Variants in EVC2 observed in about 807,000 individuals in gnomAD.
The protein encoded by EVC2 is EvC ciliary complex subunit 2, also known as limbin.
A neutral mutation model predicts 149.3 loss-of-function variants in EVC2; 148 were observed. The ratio of observed to expected loss-of-function variants is 0.99; its 90% CI spans 0.87 to 1.14. EVC2 has a LOEUF of 1.14. Among genes scored for constraint, EVC2 ranks in the 50% most tolerant of loss-of-function variants. The pLI is 0.00. For synonymous variants in EVC2, 776 were observed against 649.9 expected (o/e 1.19, Z -2.95); for missense variants, 1,854 against 1,627.3 (o/e 1.14, Z -2.40).
rs991340849 is a variant in EVC2 at position 5,640,200 on chromosome 4, CAGAT to C, written c.1470+310_1470+313del. Among the ~76,000 whole-genome samples, 98 of 151,696 alleles carry C rather than the reference CAGAT, an allele frequency of 6.5e-4. No homozygotes were observed. The highest frequency in any genetic ancestry group is 2.2e-3 in the African/African-American group (91 of 41,362). On this transcript the variant is annotated intron_variant, in intron 10 of 21. Transcript: ENST00000344408. This position sits in a 1 kb window ranked among gnomAD's most constrained non-coding sequence, Gnocchi z 4.6. ...ATAAATGAGTAGGTGGATGAACAGA[CAGAT>C]GGATGTGTAGATGGACAGATGGGTG...
At chr4:5,597,074 A>G (rs531138958) in intron 16 of EVC2, among the ~76,000 whole-genome samples, 1 of 152,222 alleles carries the variant, frequency 6.6e-6, no homozygotes, top group Non-Finnish European at 1.5e-5. Context: ...GCAATAATCA[A>G]TAGCTTACCA....
At chr4:5,609,963 G>A (rs2108821044) in intron 16 of EVC2, among the ~76,000 whole-genome samples, 1 of 152,280 alleles carries the variant, frequency 6.6e-6, no homozygotes, top group South Asian at 2.1e-4. Context: ...GTTGGGAAGG[G>A]TAAAGCATGT....
downstream of EVC2, among the ~76,000 whole-genome samples, chr4:5,559,649 G>A (rs947021420): frequency 6.6e-6 from 1 of 152,146 alleles, no homozygotes; most frequent in Non-Finnish European, 1.5e-5. This position sits in a 1 kb window ranked among gnomAD's most constrained non-coding sequence, Gnocchi z 5.0. Flanking sequence ...CTGCACTGAC[G>A]GGGTTATGTT....
chr4:5,535,601 AAG>A, the EVC2 span, among the ~76,000 whole-genome samples: 1,523 of 117,546 alleles, frequency 0.013, 11 homozygotes, highest in African/African-American at 0.03. This position sits in a 1 kb window ranked among gnomAD's most constrained non-coding sequence, Gnocchi z 4.7. Flanking sequence ...CATGCTTAGA[AAG>A]AGAGAGAGAG....
Position 5,569,380 on chromosome 4 carries a change from G to A in EVC2, c.3361-740C>T, listed in dbSNP as rs1330056482. Among the ~76,000 whole-genome samples, 2 of 152,206 alleles carry A rather than the reference G, an allele frequency of 1.3e-5. No homozygotes were observed. Among genetic ancestry groups the A allele is most frequent in the Admixed American group, 6.5e-5 (1 of 15,278 alleles). ...GAGAACTATACGTACATTTTATATC[G>A]ATGTCAACTTCCTGGTTCTGATGCT... On this transcript the variant is annotated intron_variant, in intron 19 of 21. Coordinates refer to ENST00000344408, the MANE Select transcript of EVC2 (RefSeq NM_147127.5). The surrounding 1 kb of genome is among the most constrained non-coding windows in gnomAD (Gnocchi z 4.8).
the EVC2 span, among the ~76,000 whole-genome samples, chr4:5,536,712 A>T: frequency 1.3e-5 from 2 of 151,754 alleles, no homozygotes; most frequent in African/African-American, 4.9e-5. Flanking sequence ...TGAACCCAGG[A>T]GGTGGAGCTT....
Position 5,572,357 on chromosome 4 carries a change from G to C in EVC2, c.3360+2328C>G, listed in dbSNP as rs191110680. Among the ~76,000 whole-genome samples, 1,397 of 152,254 alleles carry C rather than the reference G, an allele frequency of 9.2e-3. 27 individuals carry two copies. Among genetic ancestry groups the C allele is most frequent in the African/African-American group, 0.03 (1,243 of 41,514 alleles). On this transcript the variant is annotated intron_variant, in intron 19 of 21. Coordinates refer to ENST00000344408, the MANE Select transcript of EVC2 (RefSeq NM_147127.5). The stretch of plus-strand genomic sequence containing the variant: ...ACTTAACCACAAATGCCACTATTAG[G>C]AAGGGGGGCCTGCTGAAGGTGATGA...
intron 1 of EVC2, among the ~76,000 whole-genome samples, chr4:5,707,869 C>G (rs1178639343): frequency 6.6e-6 from 1 of 152,062 alleles, no homozygotes; most frequent in African/African-American, 2.4e-5. Flanking sequence ...TTTTAAAAAC[C>G]GCTGCAATTT....
intron 9 of EVC2, among the ~76,000 whole-genome samples, chr4:5,654,522 CT>C (rs1333684743): frequency 6.6e-6 from 1 of 152,236 alleles, no homozygotes; most frequent in Non-Finnish European, 1.5e-5. Context: ...CCTGCCCTTT[CT>C]TTGCATTTCC....
intron 4 of EVC2, among the ~76,000 whole-genome samples, chr4:5,690,553 G>C (rs1170120753): frequency 1.3e-5 from 2 of 152,090 alleles, no homozygotes; most frequent in Admixed American, 6.6e-5. Context: ...AGTCTCATGG[G>C]TGCTCCATGC....
At chr4:5,687,271 A>G (rs1720786450) in intron 5 of EVC2, among the ~76,000 whole-genome samples, 1 of 152,136 alleles carries the variant, frequency 6.6e-6, no homozygotes, top group South Asian at 2.1e-4. Context: ...AAAAAAGAAA[A>G]GAAAAGAAAA....
At chr4:5,547,841 A>G (rs1721651152) in intron 21 of EVC2, among the ~76,000 whole-genome samples, 1 of 152,156 alleles carries the variant, frequency 6.6e-6, no homozygotes. Flanking sequence ...AGAAGAGAAG[A>G]GCTTCAGCCC....
intron 8 of EVC2, among the ~76,000 whole-genome samples, chr4:5,663,691 T>C (rs1384732149): frequency 2.0e-5 from 3 of 151,880 alleles, no homozygotes; most frequent in South Asian, 4.2e-4. Flanking sequence ...GAGGCTGAGG[T>C]GGATGGATCA....
chr4:5,664,821 TGGG>T (rs1234184658), intron 8 of EVC2, among the ~76,000 whole-genome samples: 2 of 152,172 alleles, frequency 1.3e-5, no homozygotes, highest in Non-Finnish European at 2.9e-5. Context: ...CCTTTTGTCC[TGGG>T]ATCACTTCCC....
chr4:5,574,877 G>T, intron 18 of EVC2, 105 bp from the exon 19 acceptor site: 2 of 1,199,298 alleles, frequency 1.7e-6, no homozygotes, highest in Non-Finnish European at 2.4e-6. Flanking sequence ...TCAGCCATAT[G>T]ATTTTAAAAA....
downstream of EVC2, among the ~76,000 whole-genome samples, chr4:5,558,055 T>A (rs112110910): frequency 0.018 from 2,705 of 152,300 alleles, 65 homozygotes; most frequent in African/African-American, 0.06. Context: ...TTTTCAGATA[T>A]TGACAAACTG....
upstream of EVC2, chr4:5,709,289 A>G (rs897499739): frequency 6.6e-6 from 1 of 152,258 alleles, no homozygotes. Flanking sequence ...AAGACACAAA[A>G]AGGGGGACTG....
rs1720691810 is a variant in EVC2, at chr4:5,686,099, C to CAG, written c.707-621_707-620insCT. On this transcript the variant is annotated intron_variant, in intron 5 of 21. Transcript: ENST00000344408. The surrounding 1 kb of genome is among the most constrained non-coding windows in gnomAD (Gnocchi z 5.4). ...TATATACACACACATATATATTACA[C>CAG]ACACACACACACACACACACACACA... Among the ~76,000 whole-genome samples the CAG allele has an allele frequency of 2.8e-4, 2 of 7,042 alleles. No individual in the cohort carries two copies. Among genetic ancestry groups the CAG allele is most frequent in the African/African-American group, 1.7e-3 (2 of 1,180 alleles). 4.6% of individuals were successfully genotyped at this position (7,042 alleles called of 152,430 possible). A position where few individuals can be genotyped will look rare whatever the true frequency, so the allele number is the denominator to read the frequency against.
intron 16 of EVC2, among the ~76,000 whole-genome samples, chr4:5,595,627 A>C (rs1713324883): frequency 6.6e-6 from 1 of 152,224 alleles, no homozygotes; most frequent in African/African-American, 2.4e-5. Context: ...CCAAATTGTA[A>C]AGACCATTGA....
Sources: allele counts gnomAD v4.1 joint callset (sites outside exome capture counted in the v4.1 genomes callset), GRCh38; gene constraint gnomAD v4.1.1; non-coding constraint Gnocchi (gnomAD v3.1); transcripts MANE v1.5; gene names NCBI Gene and HGNC (gene_info 2026-07-23, HGNC 2026-07-21).